The following GDF5 variants were observed in gnomAD, a reference collection of about 807,000 sequenced individuals.
GDF5 encodes growth differentiation factor 5, also known as growth/differentiation factor 5.
In GDF5, 17 loss-of-function variants were observed where a neutral mutation model predicts 34.6. The ratio of observed to expected loss-of-function variants is 0.49; its 90% CI spans 0.34 to 0.74. GDF5 has a LOEUF of 0.74. Ranked by LOEUF, GDF5 falls within the 30% of genes least tolerant of loss-of-function variation. GDF5 has a pLI of 0.01. For synonymous variants in GDF5, 332 were observed against 290.7 expected (o/e 1.14, Z -1.44); for missense variants, 616 against 661.2 (o/e 0.93, Z 0.75).
rs1238663333 is a variant in GDF5 at position 35,434,461 on chromosome 20, C to G, written c.954G>C (p.Arg318=). The G allele has an allele frequency of 1.3e-5, 21 of 1,612,768 alleles. 1 individual carries two copies. In the South Asian group the frequency reaches 1.5e-4, roughly 12 times the overall value. The part of the protein sequence containing the change: ...QLCLELEAWE[R]GRAVDLRGLG... ...GGCCACGGAGGTCCACGGCCCTGCC[C>G]CGTTCCCAGGCCTCCAGCTCCAGGC... Residue 318 remains arginine (R), a synonymous_variant, in exon 2 of 2, where the codon CGG becomes CGC. Transcript: ENST00000374369.
intron 1 of GDF5, among the ~76,000 whole-genome samples, chr20:35,448,762 A>C (rs1204129396): frequency 6.6e-6 from 1 of 152,006 alleles, no homozygotes; most frequent in African/African-American, 2.4e-5. Flanking sequence ...ATTTTTGAGG[A>C]AGGAGAGGAC....
At chr20:35,440,740 C>T (rs2062495097), upstream of GDF5, among the ~76,000 whole-genome samples, 1 of 152,204 alleles carries the variant, frequency 6.6e-6, no homozygotes, top group African/African-American at 2.4e-5. Flanking sequence ...ATTTTAAAAT[C>T]ATAACTTAAT....
rs748915219 is a variant in GDF5, at chr20:35,434,371, G to C, written c.1044C>G (p.Thr348=). 1 of 1,613,756 alleles carries C rather than the reference G, an allele frequency of 6.2e-7. No individual in the cohort carries two copies. The highest frequency in any genetic ancestry group is 8.5e-7 in the Non-Finnish European group (1 of 1,179,994). ...EKALFLVFGR[T]KKRDLFFNEI... is the part of the protein sequence containing the mutation. ...CATTAAAGAACAGGTCCCGTTTCTT[G>C]GTGCGGCCAAACACCAGGAACAGGG... is the stretch of plus-strand genomic sequence containing the variant. Residue 348 remains threonine, a synonymous_variant, in exon 2 of 2, where the codon ACC becomes ACG. Transcript: ENST00000374369.
upstream of GDF5, among the ~76,000 whole-genome samples, chr20:35,442,199 T>G (rs1261490649): frequency 1.3e-5 from 2 of 152,144 alleles, no homozygotes; most frequent in African/African-American, 2.4e-5. Context: ...CAGTCTGGAG[T>G]GCAGTGGCGC....
At chr20:35,440,302 T>TCA (rs1216123880), upstream of GDF5, among the ~76,000 whole-genome samples, 1 of 151,220 alleles carries the variant, frequency 6.6e-6, no homozygotes, top group African/African-American at 2.4e-5. Context: ...CTAGAGTCCA[T>TCA]CACACACACA....
chr20:35,438,462 C>T (rs532119035), upstream of GDF5, among the ~76,000 whole-genome samples: 1 of 152,054 alleles, frequency 6.6e-6, no homozygotes, highest in Admixed American at 6.5e-5. Context: ...GGAATTCCAA[C>T]CCAAACCAAT....
upstream of GDF5, among the ~76,000 whole-genome samples, chr20:35,438,824 CGTGTGTGTGTGTGTGTGTGTGTGT>C (rs57641919): frequency 1.6e-5 from 2 of 126,406 alleles, no homozygotes; most frequent in Admixed American, 8.4e-5. Context: ...ATTTGTTATG[CGTGTGTGTGTGTGTGTGTGTGTGT>C]GTGTGTGTGT....
chr20:35,453,841 C>G, intron 1 of GDF5: 2 of 517,170 alleles, frequency 3.9e-6, no homozygotes, highest in Non-Finnish European at 8.0e-6. Context: ...ATTCACTCAG[C>G]ACTTATTGAG....
At position 35,437,528 on chromosome 20, in the gene GDF5, G is replaced by A. The variant is rs1224976540; in HGVS notation, c.401C>T (p.Pro134Leu). The change falls in exon 1 of 2, where the codon CCC becomes CTC. Residue 134 changes from proline to leucine, a missense_variant. Transcript: ENST00000374369. ...PKGQLPGGKA[P>L]PKAGSVPSSF... ...GCTGGGGACAGATCCTGCTTTTGGGGGTGCCTTGCCTCCGGGAAGCTGTCC... is the reference window on the plus strand; with the variant it reads ...GCTGGGGACAGATCCTGCTTTTGGGAGTGCCTTGCCTCCGGGAAGCTGTCC... The A allele has an allele frequency of 7.4e-6, 12 of 1,614,118 alleles. No homozygotes were observed. In the South Asian group the frequency reaches 7.7e-5, roughly 10 times the overall value.
chr20:35,446,728 CAGCTAAAGACGACCG>C (rs1211597847), intron 1 of GDF5, among the ~76,000 whole-genome samples: 1 of 152,170 alleles, frequency 6.6e-6, no homozygotes, highest in Non-Finnish European at 1.5e-5. Flanking sequence ...CAAGTTCACA[CAGCTAAAGACGACCG>C]AGCTAGAATT....
chr20:35,448,712 G>C (rs1601081711), intron 1 of GDF5, among the ~76,000 whole-genome samples: 1 of 152,112 alleles, frequency 6.6e-6, no homozygotes, highest in East Asian at 1.9e-4. Context: ...CCAAAGTGCT[G>C]GGATTACAGG....
In GDF5 at chr20:35,437,322, T is replaced by G. The variant is rs1356783440; in HGVS notation, c.607A>C (p.Thr203Pro). ...CCTTGCCCTTTGTCAATAAAGCTGG[T>G]GATGGTGTTGGCCAGGCCAGCCTCC... ...KLEAGLANTI[T>P]SFIDKGQDDR... The change falls in exon 1 of 2, where the codon ACC becomes CCC. Residue 203 changes from threonine to proline, a missense_variant. Physicochemically the swap from Thr to Pro is conservative, Grantham distance 38. Transcript: ENST00000374369. The G allele has an allele frequency of 1.2e-6, 2 of 1,612,800 alleles. No individual in the cohort carries two copies. The highest frequency in any genetic ancestry group is 1.7e-6 in the Non-Finnish European group (2 of 1,179,424).
chr20:35,454,145 G>A, intron 1 of GDF5: 1 of 397,472 alleles, frequency 2.5e-6, no homozygotes, highest in Non-Finnish European at 5.2e-6. Flanking sequence ...ACAACTCTAA[G>A]AAAGTGCATT....
intron 1 of GDF5, chr20:35,435,128 T>C: frequency 1.7e-6 from 1 of 586,858 alleles, no homozygotes; most frequent in Non-Finnish European, 3.1e-6. Flanking sequence ...TGATGTCTCA[T>C]TTGTGAGATA....
intron 1 of GDF5, among the ~76,000 whole-genome samples, chr20:35,448,448 CTTTTTTTT>C (rs34209210): frequency 2.3e-5 from 2 of 86,762 alleles, no homozygotes; most frequent in East Asian, 3.9e-4. Flanking sequence ...GCCCCCCCGA[CTTTTTTTT>C]TTTTTTTTTT....
intron 1 of GDF5, among the ~76,000 whole-genome samples, chr20:35,453,751 C>T (rs560433122): frequency 6.6e-6 from 1 of 152,158 alleles, no homozygotes; most frequent in African/African-American, 2.4e-5. Flanking sequence ...AGCTTTTAAG[C>T]GTTCCTTTCT....
rs146814179 is a variant in GDF5, at chr20:35,434,364, G to A, written c.1051C>T (p.Arg351Trp). ...LFLVFGRTKK[R>W]DLFFNEIKAR... ...TTAATCTCATTAAAGAACAGGTCCC[G>A]TTTCTTGGTGCGGCCAAACACCAGG... The change falls in exon 2 of 2, where the codon CGG becomes TGG. Residue 351 changes from arginine (R) to tryptophan (W), a missense_variant. Physicochemically the swap from Arg to Trp is moderately radical, Grantham distance 101. Transcript: ENST00000374369. 40 of 1,613,612 alleles carry A rather than the reference G, an allele frequency of 2.5e-5. No individual in the cohort carries two copies. The highest frequency in any genetic ancestry group is 3.3e-5 in the Non-Finnish European group (39 of 1,179,994).
In GDF5 at chr20:35,438,084, C is replaced by G; in HGVS notation, c.-156G>C. The G allele has an allele frequency of 2.5e-6, 2 of 812,502 alleles. No individual in the cohort carries two copies. The highest frequency in any genetic ancestry group is 4.0e-6 in the Non-Finnish European group (2 of 494,196). The allele number at this position is 812,502 out of a possible 1,614,324, so 50.3% of individuals were successfully genotyped here. ...AAGGCTTTCTCCTCAGTCTGAGACTCTTGAAGTCTGCCGGGTGTGTGTTTG... is the reference window on the plus strand; with the variant it reads ...AAGGCTTTCTCCTCAGTCTGAGACTGTTGAAGTCTGCCGGGTGTGTGTTTG... On this transcript the variant is annotated 5_prime_UTR_variant, in exon 1 of 2. Transcript: ENST00000374369.
At chr20:35,448,902 G>T (rs1027495627) in intron 1 of GDF5, among the ~76,000 whole-genome samples, 1 of 152,236 alleles carries the variant, frequency 6.6e-6, no homozygotes, top group Admixed American at 6.5e-5. Context: ...CTTAGTGAGT[G>T]AGAGGGGGCT....
Sources: gnomAD v4.1 joint callset for allele counts (sites outside exome capture counted in the v4.1 genomes callset) on GRCh38, gnomAD v4.1.1 for gene constraint, MANE v1.5 for transcripts, NCBI Gene and HGNC (gene_info 2026-07-23, HGNC 2026-07-21) for gene names.